The following ELMO1 variants were observed in gnomAD, a reference collection of about 807,000 sequenced individuals.
ELMO1 encodes the protein engulfment and cell motility 1.
A neutral mutation model predicts 98.9 loss-of-function variants in ELMO1; 26 were observed. That is an observed-to-expected ratio of 0.26 (90% CI 0.19 to 0.36). The LOEUF is 0.36. Ranked by LOEUF, ELMO1 falls within the 10% of genes least tolerant of loss-of-function variation. The probability of loss-of-function intolerance (pLI) is 1.00; values close to 1 mark genes in which losing one functional copy is unlikely to be tolerated. For missense variants in ELMO1, 627 were observed against 935.2 expected (o/e 0.67, Z 4.30); for synonymous variants, 346 against 346.0 (o/e 1.00, Z 0.00).
At chr7:37,284,961 C>T (rs1217984054) in intron 4 of ELMO1, among the ~76,000 whole-genome samples, 1 of 152,208 alleles carries the variant, frequency 6.6e-6, no homozygotes, top group Non-Finnish European at 1.5e-5. Flanking sequence ...TCCACCATTA[C>T]TATTCCATGG....
At chr7:36,998,998 A>G (rs1380594611) in intron 16 of ELMO1, among the ~76,000 whole-genome samples, 1 of 151,970 alleles carries the variant, frequency 6.6e-6, no homozygotes, top group African/African-American at 2.4e-5. Flanking sequence ...AGCATGTGAG[A>G]GGAAGAGACT....
chr7:37,234,404 C>G (rs1183284954), intron 7 of ELMO1, among the ~76,000 whole-genome samples: 1 of 152,276 alleles, frequency 6.6e-6, no homozygotes, highest in East Asian at 1.9e-4. Flanking sequence ...TACTGTTCTA[C>G]TCAGCCCAGC....
chr7:37,203,620 T>C (rs1413625960), intron 13 of ELMO1, among the ~76,000 whole-genome samples: 1 of 152,232 alleles, frequency 6.6e-6, no homozygotes, highest in Non-Finnish European at 1.5e-5. Context: ...ATAATTCTTA[T>C]AGGAGAAACT....
At chr7:37,404,525 G>T (rs1803672389) in intron 1 of ELMO1, among the ~76,000 whole-genome samples, 1 of 152,104 alleles carries the variant, frequency 6.6e-6, no homozygotes, top group Admixed American at 6.5e-5. Context: ...CATGTTAACG[G>T]AAGTAACAAC....
intron 1 of ELMO1, among the ~76,000 whole-genome samples, chr7:37,371,221 A>T (rs1006192710): frequency 4.6e-5 from 7 of 152,198 alleles, no homozygotes. Flanking sequence ...TATTTGTGTA[A>T]CCCTAAAATA....
chr7:37,274,609 G>A (rs1796727067), intron 4 of ELMO1, among the ~76,000 whole-genome samples: 1 of 152,162 alleles, frequency 6.6e-6, no homozygotes, highest in South Asian at 2.1e-4. Context: ...CTGGAGTGCA[G>A]TGGCACGATC....
chr7:37,375,978 GT>G, intron 1 of ELMO1: 1 of 570,142 alleles, frequency 1.8e-6, no homozygotes. Flanking sequence ...CTGAATTCCA[GT>G]TTAGAGGAGG....
chr7:37,291,359 C>T (rs1404959415), intron 4 of ELMO1, among the ~76,000 whole-genome samples: 3 of 151,970 alleles, frequency 2.0e-5, no homozygotes, highest in Non-Finnish European at 2.9e-5. Context: ...GAAAAAAGGA[C>T]AAATCTGATT....
At chr7:37,243,052 T>C (rs1794834191) in intron 7 of ELMO1, among the ~76,000 whole-genome samples, 2 of 152,200 alleles carry the variant, frequency 1.3e-5, no homozygotes, top group Admixed American at 1.3e-4. Context: ...GATTTCATAA[T>C]TGTTATCTGT....
At chr7:37,143,133 T>C (rs1334027747) in intron 13 of ELMO1, among the ~76,000 whole-genome samples, 3 of 152,168 alleles carry the variant, frequency 2.0e-5, no homozygotes, top group Non-Finnish European at 4.4e-5. Flanking sequence ...GCGCAAAGTG[T>C]CTTGCATATG....
At chr7:37,117,892 TA>T (rs1438563924) in intron 14 of ELMO1, among the ~76,000 whole-genome samples, 1 of 152,026 alleles carries the variant, frequency 6.6e-6, no homozygotes, top group South Asian at 2.1e-4. Flanking sequence ...GTCACTCAGA[TA>T]AAAAAAGGTT....
chr7:37,163,584 T>C (rs968170808), intron 13 of ELMO1, among the ~76,000 whole-genome samples: 13 of 151,190 alleles, frequency 8.6e-5, no homozygotes, highest in Admixed American at 3.3e-4. Flanking sequence ...TGAGTGAGAA[T>C]ATGCGGTGTT....
At chr7:37,072,117 G>A (rs1224281874) in intron 15 of ELMO1, among the ~76,000 whole-genome samples, 1 of 151,986 alleles carries the variant, frequency 6.6e-6, no homozygotes, top group Non-Finnish European at 1.5e-5. Flanking sequence ...TAGGCTTTCG[G>A]CAATTCAAAA....
intron 16 of ELMO1, among the ~76,000 whole-genome samples, chr7:36,910,712 A>G (rs1784285525): frequency 6.6e-6 from 1 of 152,172 alleles, no homozygotes; most frequent in African/African-American, 2.4e-5. Context: ...GTTAAAAGAG[A>G]GAATGTTGGT....
chr7:37,068,543 C>T (rs34870838), intron 15 of ELMO1, among the ~76,000 whole-genome samples: 5,354 of 152,170 alleles, frequency 0.035, 109 homozygotes, highest in Middle Eastern at 0.078. Context: ...TTAGCATATG[C>T]CTCAGTAAAA....
At chr7:37,092,416 T>C (rs971622784) in intron 15 of ELMO1, among the ~76,000 whole-genome samples, 1 of 142,270 alleles carries the variant, frequency 7.0e-6, no homozygotes. Context: ...TCTCGCTCTG[T>C]CGCCCAGGCT....
chr7:37,435,864 C>T (rs1805121618), intron 1 of ELMO1, among the ~76,000 whole-genome samples: 1 of 152,176 alleles, frequency 6.6e-6, no homozygotes. Flanking sequence ...TTTGCTGCCC[C>T]GACGGTGCTC....
Position 36,977,759 on chromosome 7 carries a change from T to A in ELMO1, c.1437+35540A>T, listed in dbSNP as rs564654763. ...CAAAGATAGCTGTTGGACAATTTGTTTTCACCGATTACTTTCAAGTAGTTT... is the reference window on the plus strand; with the variant it reads ...CAAAGATAGCTGTTGGACAATTTGTATTCACCGATTACTTTCAAGTAGTTT... On this transcript the variant is annotated intron_variant, in intron 16 of 21. Coordinates refer to ENST00000310758, the MANE Select transcript of ELMO1 (RefSeq NM_014800.11). 5.9e-5 allele frequency among the ~76,000 whole-genome samples: 9 copies of A among 152,314 alleles called. No homozygotes were observed. In the South Asian group the frequency reaches 1.2e-3, roughly 21 times the overall value.
At chr7:37,447,612 C>G (rs1805677432) in intron 1 of ELMO1, among the ~76,000 whole-genome samples, 1 of 150,878 alleles carries the variant, frequency 6.6e-6, no homozygotes, top group Non-Finnish European at 1.5e-5. Context: ...CACACACACA[C>G]ACCGACTCAC....
Sources: allele counts gnomAD v4.1 joint callset (sites outside exome capture counted in the v4.1 genomes callset), GRCh38; gene constraint gnomAD v4.1.1; transcripts MANE v1.5; gene names NCBI Gene and HGNC (gene_info 2026-07-23, HGNC 2026-07-21).